CAMK1D: variants seen among roughly 807,000 people sequenced by gnomAD.
CAMK1D encodes the protein calcium/calmodulin-dependent protein kinase type 1D.
A neutral mutation model predicts 47.7 loss-of-function variants in CAMK1D; 9 were observed. The ratio of observed to expected loss-of-function variants is 0.19; its 90% CI spans 0.11 to 0.33. CAMK1D has a LOEUF of 0.33. CAMK1D is among the 10% of genes least tolerant of loss of function. The pLI, the probability that CAMK1D is intolerant of heterozygous loss-of-function variation, is 1.00. For missense variants in CAMK1D, 291 were observed against 488.7 expected (o/e 0.60, Z 3.81); for synonymous variants, 184 against 184.9 (o/e 0.99, Z 0.04).
intron 3 of CAMK1D, among the ~76,000 whole-genome samples, chr10:12,703,719 A>G (rs1401066590): frequency 6.6e-6 from 1 of 152,056 alleles, no homozygotes; most frequent in African/African-American, 2.4e-5. Flanking sequence ...AAATACAAAA[A>G]TTAACCAGGT....
chr10:12,464,924 G>A (rs556363916), intron 1 of CAMK1D, among the ~76,000 whole-genome samples: 1 of 152,168 alleles, frequency 6.6e-6, no homozygotes, highest in South Asian at 2.1e-4. Context: ...ATTCTCTAAA[G>A]CAGAACATCA....
chr10:12,547,680 T>TCACA (rs1162700028), intron 1 of CAMK1D, among the ~76,000 whole-genome samples: 1 of 40,224 alleles, frequency 2.5e-5, no homozygotes, highest in Non-Finnish European at 5.9e-5. Flanking sequence ...TCTTTCTCTC[T>TCACA]CTCACACACA....
intron 1 of CAMK1D, among the ~76,000 whole-genome samples, chr10:12,389,413 T>TTCAAGGAGCCTGAGCACC (rs1349007258): frequency 6.6e-6 from 1 of 152,154 alleles, no homozygotes; most frequent in Non-Finnish European, 1.5e-5. Context: ...GTCTTCAGGC[T>TTCAAGGAGCCTGAGCACC]TCAAGGAGAG....
chr10:12,402,178 G>A (rs891050132), intron 1 of CAMK1D, among the ~76,000 whole-genome samples: 1 of 152,116 alleles, frequency 6.6e-6, no homozygotes, highest in Non-Finnish European at 1.5e-5. Context: ...CTGACCTCAA[G>A]TGATCTGCGT....
intron 1 of CAMK1D, among the ~76,000 whole-genome samples, chr10:12,429,469 A>C (rs1015727816): frequency 2.0e-5 from 3 of 152,010 alleles, no homozygotes; most frequent in Non-Finnish European, 4.4e-5. Flanking sequence ...CCTCCTGAGT[A>C]GCTGGGATTA....
At chr10:12,475,252 A>G (rs1216361144) in intron 1 of CAMK1D, among the ~76,000 whole-genome samples, 6 of 151,918 alleles carry the variant, frequency 3.9e-5, no homozygotes, top group Admixed American at 3.9e-4. Context: ...CAGAACTGAC[A>G]CTCTGCACCC....
At chr10:12,457,815 C>T (rs866341688) in intron 1 of CAMK1D, among the ~76,000 whole-genome samples, 3 of 149,234 alleles carry the variant, frequency 2.0e-5, no homozygotes, top group Non-Finnish European at 4.4e-5. Context: ...GATGGACATA[C>T]GAACATATGT....
intron 3 of CAMK1D, among the ~76,000 whole-genome samples, chr10:12,695,099 G>C (rs1056812161): frequency 6.0e-5 from 9 of 150,548 alleles, no homozygotes; most frequent in South Asian, 4.2e-4. Flanking sequence ...TAGATATAGG[G>C]TAGATTGATC....
In CAMK1D at chr10:12,739,169, G is replaced by A. The variant is rs940866350; in HGVS notation, c.300-21779G>A. On this transcript the variant is annotated intron_variant, in intron 3 of 10. Transcript: ENST00000619168. ...GGAGGATCGCTTAAGCCCAGAAGGC[G>A]GAGATTGCAGTGAGCCATGATTGCG... Among the ~76,000 whole-genome samples the A allele has an allele frequency of 8.6e-5, 13 of 151,786 alleles. 1 individual carries two copies. Among genetic ancestry groups the A allele is most frequent in the African/African-American group, 2.2e-4 (9 of 41,384 alleles).
intron 1 of CAMK1D, among the ~76,000 whole-genome samples, chr10:12,431,382 G>A (rs1832470348): frequency 6.6e-6 from 1 of 152,184 alleles, no homozygotes; most frequent in Admixed American, 6.5e-5. Flanking sequence ...CGGGTGCACA[G>A]GTGGGTCTGG....
At chr10:12,715,863 C>T (rs1272369420) in intron 3 of CAMK1D, among the ~76,000 whole-genome samples, 2 of 151,304 alleles carry the variant, frequency 1.3e-5, no homozygotes, top group African/African-American at 2.4e-5. Context: ...GTGCGCGCCA[C>T]GATGCCTAGC....
intron 1 of CAMK1D, among the ~76,000 whole-genome samples, chr10:12,392,521 T>C (rs1224579730): frequency 6.6e-6 from 1 of 152,194 alleles, no homozygotes; most frequent in Non-Finnish European, 1.5e-5. Context: ...ATCTACATTA[T>C]AGCATTTGTC....
chr10:12,732,304 A>G (rs1834922854), intron 3 of CAMK1D, among the ~76,000 whole-genome samples: 1 of 152,172 alleles, frequency 6.6e-6, no homozygotes, highest in Non-Finnish European at 1.5e-5. Flanking sequence ...ATCTCCATGC[A>G]TGTTGAGGTT....
intron 3 of CAMK1D, among the ~76,000 whole-genome samples, chr10:12,733,311 T>C (rs1037700270): frequency 2.0e-5 from 3 of 152,158 alleles, no homozygotes; most frequent in Admixed American, 2.0e-4. Context: ...GCAGTGAAGA[T>C]GGAGTTAGAA....
At chr10:12,458,880 C>CTT (rs35804649) in intron 1 of CAMK1D, among the ~76,000 whole-genome samples, 8 of 120,684 alleles carry the variant, frequency 6.6e-5, no homozygotes, top group South Asian at 2.6e-4. Context: ...CCTTTCTTTC[C>CTT]TTTTTTTTTT....
intron 2 of CAMK1D, among the ~76,000 whole-genome samples, chr10:12,631,910 C>T (rs539634120): frequency 2.1e-4 from 32 of 152,192 alleles, no homozygotes; most frequent in Non-Finnish European, 3.1e-4. Flanking sequence ...GAGAGCAGAC[C>T]GTGTTTCTGT....
chr10:12,723,283 T>A (rs1290362384), intron 3 of CAMK1D, among the ~76,000 whole-genome samples: 1 of 152,194 alleles, frequency 6.6e-6, no homozygotes, highest in African/African-American at 2.4e-5. Flanking sequence ...GAATTTTTGC[T>A]TTAAAAGGAA....
intron 2 of CAMK1D, among the ~76,000 whole-genome samples, chr10:12,579,542 T>C (rs1837599119): frequency 6.6e-6 from 1 of 152,230 alleles, no homozygotes; most frequent in African/African-American, 2.4e-5. Flanking sequence ...TCAGTCTGTG[T>C]TTCCTGCTGG....
At chr10:12,821,383 C>T (rs139944041) in intron 8 of CAMK1D, among the ~76,000 whole-genome samples, 5 of 152,220 alleles carry the variant, frequency 3.3e-5, no homozygotes, top group East Asian at 1.9e-4. Context: ...GCCGAACCCC[C>T]GCTCCCATCT....
Sources: gnomAD v4.1 joint callset for allele counts (sites outside exome capture counted in the v4.1 genomes callset) on GRCh38, gnomAD v4.1.1 for gene constraint, MANE v1.5 for transcripts, NCBI Gene and HGNC (gene_info 2026-07-23, HGNC 2026-07-21) for gene names.